IQCH: variants seen among roughly 807,000 people sequenced by gnomAD.
IQCH encodes the protein IQ domain-containing protein H.
A neutral mutation model predicts 117.0 loss-of-function variants in IQCH; 98 were observed. That is an observed-to-expected ratio of 0.84 (90% confidence interval 0.71 to 0.99). The LOEUF is 0.99. IQCH is among the 50% of genes least tolerant of loss of function. The probability of loss-of-function intolerance (pLI) is 0.00; values close to 1 mark genes in which losing one functional copy is unlikely to be tolerated. For synonymous variants in IQCH, 412 were observed against 448.2 expected, an observed-to-expected ratio of 0.92 and a Z score of 1.02; for missense variants, 1,102 against 1,243.8, an observed-to-expected ratio of 0.89 and a Z score of 1.72.
chr15:67,309,062 T>C (rs921846046), intron 4 of IQCH, among the ~76,000 whole-genome samples: 1 of 152,120 alleles, frequency 6.6e-6, no homozygotes, highest in African/African-American at 2.4e-5. Flanking sequence ...GAATCCTTAC[T>C]AGACCGGGAT....
chr15:67,377,860 G>A (rs1596285124), intron 10 of IQCH, among the ~76,000 whole-genome samples: 1 of 151,978 alleles, frequency 6.6e-6, no homozygotes, highest in Non-Finnish European at 1.5e-5. Flanking sequence ...ATATAGTTCA[G>A]TTCCATATTT....
intron 16 of IQCH, among the ~76,000 whole-genome samples, chr15:67,446,768 T>A (rs2082401375): frequency 6.6e-6 from 1 of 152,226 alleles, no homozygotes; most frequent in South Asian, 2.1e-4. Context: ...TTGCCTATAC[T>A]GAAGGACTGT....
chr15:67,257,584 A>G (rs2140422329), intron 1 of IQCH, among the ~76,000 whole-genome samples: 1 of 152,374 alleles, frequency 6.6e-6, no homozygotes. Flanking sequence ...AGGCTATGGC[A>G]TGTTCATGAA....
rs959613132 is a variant in IQCH, at chr15:67,286,775, A to AT, written c.387+7272dup. ...AGGCGCAGGCCACCACACCCGGCTAATTTTTTTTTGTATTTTTAGTAGAGA... is the reference window on the plus strand; with the variant it reads ...AGGCGCAGGCCACCACACCCGGCTAATTTTTTTTTTGTATTTTTAGTAGAGA... On this transcript the variant is annotated intron_variant, in intron 4 of 20. Coordinates refer to ENST00000335894, the MANE Select transcript of IQCH (RefSeq NM_001031715.3). Among the ~76,000 whole-genome samples, 25 of 150,642 alleles carry AT rather than the reference A, an allele frequency of 1.7e-4. 2 individuals carry two copies. In the South Asian group the frequency reaches 2.1e-3, roughly 13 times the overall value.
intron 4 of IQCH, among the ~76,000 whole-genome samples, chr15:67,296,185 A>G (rs993324217): frequency 6.6e-6 from 1 of 152,204 alleles, no homozygotes; most frequent in African/African-American, 2.4e-5. Context: ...TGAATGAATG[A>G]ATGAATTCTG....
At chr15:67,312,187 G>A (rs967679178) in intron 4 of IQCH, among the ~76,000 whole-genome samples, 1 of 152,136 alleles carries the variant, frequency 6.6e-6, no homozygotes, top group African/African-American at 2.4e-5. Flanking sequence ...GGTAGGTTTA[G>A]GGTACAGGGG....
At chr15:67,347,005 G>A (rs553745163) in intron 6 of IQCH, among the ~76,000 whole-genome samples, 106 of 152,120 alleles carry the variant, frequency 7.0e-4, no homozygotes, top group African/African-American at 2.5e-3. Context: ...ACATATTGAA[G>A]TTTGTAAGAT....
chr15:67,285,231 T>A (rs1966514805), intron 4 of IQCH, among the ~76,000 whole-genome samples: 1 of 152,236 alleles, frequency 6.6e-6, no homozygotes, highest in Non-Finnish European at 1.5e-5. Context: ...TTTTTTCACA[T>A]GATCATTGGC....
At position 67,261,337 on chromosome 15, in the gene IQCH, G is replaced by GT; in HGVS notation, c.117_118insT (p.Thr40TyrfsTer8). 6.3e-7 allele frequency: 1 copy of GT among 1,593,366 alleles called. No homozygotes were observed. Among genetic ancestry groups the GT allele is most frequent in the South Asian group, 1.1e-5 (1 of 87,016 alleles). ...AATTCTCACCTGAGGAAAAAGGAGA[G>GT]ACTCTAGACATTCAGAGTCTTGAAA... On this transcript the variant is annotated frameshift_variant, in exon 2 of 21. Transcript: ENST00000335894. LOFTEE classifies it high-confidence loss of function.
rs1970507147 is a variant in IQCH, at chr15:67,370,962, T to TTG, written c.754-1149_754-1148insTG. Among the ~76,000 whole-genome samples the TTG allele has an allele frequency of 6.8e-6, 1 of 147,054 alleles. No homozygotes were observed. Among genetic ancestry groups the TTG allele is most frequent in the Non-Finnish European group, 1.5e-5 (1 of 66,468 alleles). ...GGCGTAATCATTATGGATAAATTGC[T>TTG]GGGGGGGGTTTTCTTTGAGTTTTTT... On this transcript the variant is annotated intron_variant, in intron 8 of 20. Transcript: ENST00000335894. The surrounding 1 kb of genome is among the most constrained non-coding windows in gnomAD (Gnocchi z 5.6).
intron 4 of IQCH, among the ~76,000 whole-genome samples, chr15:67,323,376 G>A (rs1968239386): frequency 6.6e-6 from 1 of 151,148 alleles, no homozygotes; most frequent in Admixed American, 6.6e-5. Flanking sequence ...CCGAGTAGCT[G>A]GGACTACAGG....
In IQCH at chr15:67,388,824, T is replaced by G. The variant is rs760110211; in HGVS notation, c.1457-7T>G. 7.5e-6 allele frequency: 12 copies of G among 1,610,192 alleles called. No homozygotes were observed. In the Admixed American group the frequency reaches 2.0e-4, roughly 27 times the overall value. On this transcript the variant is annotated splice_region_variant and splice_polypyrimidine_tract_variant and intron_variant, in intron 11 of 20. Transcript: ENST00000335894. This position sits in a 1 kb window ranked among gnomAD's most constrained non-coding sequence, Gnocchi z 5.5. Reference sequence around the variant, plus strand: ...CCAGTAATTAACATTGTGCCTGTTGTTTTTAGATGCCAATGTGAATGTCAT... The same window carrying G: ...CCAGTAATTAACATTGTGCCTGTTGGTTTTAGATGCCAATGTGAATGTCAT...
chr15:67,384,617 A>G lies in IQCH; in HGVS notation c.1373-319A>G, dbSNP rs569187516. Among the ~76,000 whole-genome samples, 15 of 152,130 alleles carry G rather than the reference A, an allele frequency of 9.9e-5. No homozygotes were observed. Among genetic ancestry groups the G allele is most frequent in the Admixed American group, 2.0e-4 (3 of 15,254 alleles). ...TTTTTAACCTGAGCATAATTTTCTT[A>G]CACATCCTTGTAAACATTCATATTG... On this transcript the variant is annotated intron_variant, in intron 10 of 20. Transcript: ENST00000335894. The surrounding 1 kb of genome is among the most constrained non-coding windows in gnomAD (Gnocchi z 4.3).
chr15:67,282,942 A>G (rs1277084535), intron 4 of IQCH, among the ~76,000 whole-genome samples: 2 of 152,186 alleles, frequency 1.3e-5, no homozygotes, highest in African/African-American at 4.8e-5. Flanking sequence ...AACATTTACA[A>G]TTTAAAAAAG....
rs1217793893 is a variant in IQCH at position 67,406,021 on chromosome 15, TGCC to T, written c.2097+5717_2097+5719del. ...TAGGATTCAGCTCTTGCAACCCAAC[TGCC>T]TCATATACCTGGTTATGTGCATGGG... is the stretch of plus-strand genomic sequence containing the variant. On this transcript the variant is annotated intron_variant, in intron 14 of 20. Transcript: ENST00000335894. The surrounding 1 kb of genome is among the most constrained non-coding windows in gnomAD (Gnocchi z 4.5). 2 of 152,266 alleles carry T rather than the reference TGCC, an allele frequency of 1.3e-5. No individual in the cohort carries two copies. Among genetic ancestry groups the T allele is most frequent in the African/African-American group, 4.8e-5 (2 of 41,462 alleles). 9.4% of individuals were successfully genotyped at this position (152,266 alleles called of 1,614,324 possible).
rs557598355 is a variant in IQCH, at chr15:67,387,535, A to G, written c.1457-1296A>G. Among the ~76,000 whole-genome samples, 1 of 152,254 alleles carries G rather than the reference A, an allele frequency of 6.6e-6. No individual in the cohort carries two copies. The highest frequency in any genetic ancestry group is 6.5e-5 in the Admixed American group (1 of 15,292). On this transcript the variant is annotated intron_variant, in intron 11 of 20. Transcript: ENST00000335894. The surrounding 1 kb of genome is among the most constrained non-coding windows in gnomAD (Gnocchi z 4.8). ...AATAGATTGGAAACAATAGGATAGA[A>G]CCACAGAGAACACTACTTCATGTTA...
At chr15:67,324,961 C>T (rs978747855) in intron 4 of IQCH, among the ~76,000 whole-genome samples, 28 of 151,880 alleles carry the variant, frequency 1.8e-4, no homozygotes, top group Non-Finnish European at 1.3e-4. Flanking sequence ...GTTTTTTTAA[C>T]AAATTGAGCA....
intron 6 of IQCH, among the ~76,000 whole-genome samples, chr15:67,350,051 T>C (rs892718792): frequency 2.0e-5 from 3 of 152,204 alleles, no homozygotes; most frequent in African/African-American, 7.2e-5. Flanking sequence ...TGAAAACATA[T>C]TTACACAAAA....
At chr15:67,316,002 A>G (rs530610612) in intron 4 of IQCH, among the ~76,000 whole-genome samples, 1 of 152,342 alleles carries the variant, frequency 6.6e-6, no homozygotes, top group Non-Finnish European at 1.5e-5. Flanking sequence ...CAAAGCCACC[A>G]GGAGTTACTT....
Sources: allele counts gnomAD v4.1 joint callset (sites outside exome capture counted in the v4.1 genomes callset), GRCh38; gene constraint gnomAD v4.1.1; non-coding constraint Gnocchi (gnomAD v3.1); transcripts MANE v1.5; gene names NCBI Gene and HGNC (gene_info 2026-07-23, HGNC 2026-07-21).